Variants in ZNF385D observed in about 807,000 individuals in gnomAD.
ZNF385D encodes the protein zinc finger protein 659.
A neutral mutation model predicts 35.8 loss-of-function variants in ZNF385D; 15 were observed. The observed-to-expected ratio is 0.42, with a 90% CI of 0.28 to 0.64. The LOEUF (loss-of-function observed/expected upper bound fraction) is 0.64, where lower values mean the gene tolerates loss of function less well. Ranked by LOEUF, ZNF385D falls within the 30% of genes least tolerant of loss-of-function variation. The pLI is 0.23. For synonymous variants in ZNF385D, 212 were observed against 186.8 expected (o/e 1.13, Z -1.10); for missense variants, 474 against 494.6 (o/e 0.96, Z 0.39).
At chr3:21,586,834 T>C (rs1475899599) in intron 2 of ZNF385D, among the ~76,000 whole-genome samples, 2 of 152,156 alleles carry the variant, frequency 1.3e-5, no homozygotes, top group African/African-American at 4.8e-5. Context: ...AAAACATAAA[T>C]ATATTTTAAT....
At chr3:22,311,765 T>A (rs994411408) in intron 2 of ZNF385D, among the ~76,000 whole-genome samples, 2 of 152,080 alleles carry the variant, frequency 1.3e-5, no homozygotes, top group African/African-American at 4.8e-5. Context: ...TCTAGTACTT[T>A]TAAAAACTTC....
chr3:22,268,654 G>A (rs960660366), intron 2 of ZNF385D, among the ~76,000 whole-genome samples: 4 of 152,166 alleles, frequency 2.6e-5, no homozygotes, highest in South Asian at 4.1e-4. Context: ...CAGCACAGAA[G>A]AGAGCAGGAA....
chr3:22,215,884 CT>C (rs1358027280), intron 2 of ZNF385D, among the ~76,000 whole-genome samples: 1 of 151,996 alleles, frequency 6.6e-6, no homozygotes, highest in Non-Finnish European at 1.5e-5. Flanking sequence ...CTCTTTTGTA[CT>C]CTGTCCCTTT....
At chr3:22,073,791 A>G (rs944510384) in intron 3 of ZNF385D, among the ~76,000 whole-genome samples, 2 of 151,984 alleles carry the variant, frequency 1.3e-5, no homozygotes, top group African/African-American at 4.8e-5. Flanking sequence ...GTAAAAGCAT[A>G]CTATTTTTAG....
chr3:21,601,062 A>C (rs2064273211), intron 2 of ZNF385D, among the ~76,000 whole-genome samples: 1 of 152,174 alleles, frequency 6.6e-6, no homozygotes, highest in African/African-American at 2.4e-5. Flanking sequence ...AATAATTCAT[A>C]ATAAAAATAA....
chr3:21,476,688 C>T (rs1704271315), intron 4 of ZNF385D, among the ~76,000 whole-genome samples: 2 of 151,814 alleles, frequency 1.3e-5, no homozygotes, highest in South Asian at 4.1e-4. Context: ...AATTTAAAAA[C>T]TTAGATCAGA....
intron 3 of ZNF385D, among the ~76,000 whole-genome samples, chr3:21,530,319 TCTTTG>T (rs1180957602): frequency 6.6e-6 from 1 of 152,218 alleles, no homozygotes; most frequent in African/African-American, 2.4e-5. Flanking sequence ...AACAAGCTCT[TCTTTG>T]CTTTGTGAGA....
At chr3:22,158,657 T>C (rs191766888) in intron 3 of ZNF385D, among the ~76,000 whole-genome samples, 11 of 151,388 alleles carry the variant, frequency 7.3e-5, no homozygotes, top group Non-Finnish European at 1.5e-4. Flanking sequence ...GAATCTGTAA[T>C]ACCATCTTAC....
intron 2 of ZNF385D, among the ~76,000 whole-genome samples, chr3:21,642,954 T>A (rs992662512): frequency 6.6e-6 from 1 of 152,054 alleles, no homozygotes; most frequent in Non-Finnish European, 1.5e-5. Context: ...GGAGAAATGA[T>A]GAATGCAGAA....
At position 21,941,142 on chromosome 3, in the gene ZNF385D, T is replaced by A. The variant is rs625615; in HGVS notation, c.325+227675A>T. Among the ~76,000 whole-genome samples, 86 of 152,238 alleles carry A rather than the reference T, an allele frequency of 5.6e-4. No individual in the cohort carries two copies. In the East Asian group the frequency reaches 9.5e-3, roughly 17 times the overall value. On this transcript the variant is annotated intron_variant, in intron 3 of 5. Transcript: ENST00000494108. ...TATTAAATGACTTGAGCACTATTTC[T>A]ATTGTATGGTGGTTAAAAGGGAAGT...
intron 2 of ZNF385D, among the ~76,000 whole-genome samples, chr3:21,610,242 T>C (rs558945014): frequency 6.6e-6 from 1 of 152,142 alleles, no homozygotes; most frequent in East Asian, 1.9e-4. Flanking sequence ...AGGACAAACA[T>C]TGTGGTGCTA....
chr3:21,998,305 G>A (rs145428917), intron 3 of ZNF385D, among the ~76,000 whole-genome samples: 6 of 152,174 alleles, frequency 3.9e-5, no homozygotes, highest in Admixed American at 1.3e-4. Context: ...GCTGTGCACC[G>A]GTGCTCTAAT....
Position 21,465,418 on chromosome 3 carries a change from A to G in ZNF385D, c.440-28215T>C, listed in dbSNP as rs906815439. 1.3e-5 allele frequency among the ~76,000 whole-genome samples: 2 copies of G among 152,192 alleles called. No homozygotes were observed. The highest frequency in any genetic ancestry group is 4.8e-5 in the African/African-American group (2 of 41,454). ...CTTTTCAAGATCAGTTGGAAGAGAA[A>G]GTTTCTTCTGCTCTTCCCAAGAGGG... On this transcript the variant is annotated intron_variant, in intron 4 of 7. Transcript: ENST00000281523. This position sits in a 1 kb window ranked among gnomAD's most constrained non-coding sequence, Gnocchi z 4.2.
At chr3:22,239,871 G>A (rs1330456057) in intron 2 of ZNF385D, among the ~76,000 whole-genome samples, 1 of 150,728 alleles carries the variant, frequency 6.6e-6, no homozygotes, top group Admixed American at 6.6e-5. Context: ...TAGAACGTCA[G>A]AATTCTGGCT....
At chr3:21,584,067 G>A (rs563638341) in intron 2 of ZNF385D, among the ~76,000 whole-genome samples, 43 of 151,600 alleles carry the variant, frequency 2.8e-4, no homozygotes, top group Non-Finnish European at 5.3e-4. Flanking sequence ...TCCACCTCCC[G>A]GGCTCAAGCT....
At chr3:22,348,485 T>TAAAAAAAAAAAAAAAAA (rs1168729541) in intron 2 of ZNF385D, among the ~76,000 whole-genome samples, 8 of 84,874 alleles carry the variant, frequency 9.4e-5, no homozygotes, top group East Asian at 6.9e-4. Flanking sequence ...CCATCTCTAC[T>TAAAAAAAAAAAAAAAAA]AAAAAAAAAA....
At chr3:21,622,693 T>A (rs1044274409) in intron 2 of ZNF385D, among the ~76,000 whole-genome samples, 1 of 152,120 alleles carries the variant, frequency 6.6e-6, no homozygotes, top group African/African-American at 2.4e-5. Flanking sequence ...GTCTTATTTT[T>A]AATTTATATT....
intron 3 of ZNF385D, among the ~76,000 whole-genome samples, chr3:21,833,731 T>C (rs1252678530): frequency 6.6e-6 from 1 of 152,194 alleles, no homozygotes; most frequent in African/African-American, 2.4e-5. Flanking sequence ...TGCTACGCTC[T>C]ATAACTTAGA....
chr3:21,789,476 T>G (rs1287373226), intron 3 of ZNF385D, among the ~76,000 whole-genome samples: 1 of 152,168 alleles, frequency 6.6e-6, no homozygotes, highest in African/African-American at 2.4e-5. Context: ...CACTCAACTA[T>G]GGGCATGTGT....
Sources: gnomAD v4.1 joint callset for allele counts (sites outside exome capture counted in the v4.1 genomes callset) on GRCh38, gnomAD v4.1.1 for gene constraint, Gnocchi (gnomAD v3.1) non-coding constraint, MANE v1.5 for transcripts, NCBI Gene and HGNC (gene_info 2026-07-23, HGNC 2026-07-21) for gene names.